TBC1D4: variants seen among roughly 807,000 people sequenced by gnomAD.
TBC1D4 encodes the protein TBC (Tre-2, BUB2, CDC16) domain-containing protein.
TBC1D4 carries 121 observed loss-of-function variants against 142.5 expected under a neutral mutation model. That is an observed-to-expected ratio of 0.85 (90% CI 0.73 to 0.99). TBC1D4 has a LOEUF of 0.99. Among genes scored for constraint, TBC1D4 ranks in the 50% least tolerant of loss-of-function variants. The pLI is 0.00. For missense variants in TBC1D4, 1,475 were observed against 1,606.6 expected (o/e 0.92, Z 1.40); for synonymous variants, 630 against 628.2 (o/e 1.00, Z -0.04).
At chr13:75,473,260 C>A (rs1888491720) in intron 1 of TBC1D4, among the ~76,000 whole-genome samples, 2 of 152,118 alleles carry the variant, frequency 1.3e-5, no homozygotes, top group Non-Finnish European at 2.9e-5. Flanking sequence ...TTCGGCCTCC[C>A]AATTTTTACT....
rs557817497 is a variant in TBC1D4, at chr13:75,299,531, C to T, written c.2955G>A (p.Gly985=). The change falls in exon 17 of 21, where the codon GGG becomes GGA. Residue 985 remains glycine (G), a synonymous_variant. Transcript: ENST00000377636. ...PTHPYFSVQL[G]PGQLSLFNLL... ...GGTTAAACAGTGACAGCTGTCCTGGCCCAAGCTGTACTGAAAAGTAAGGGT... is the reference window on the plus strand; with the variant it reads ...GGTTAAACAGTGACAGCTGTCCTGGTCCAAGCTGTACTGAAAAGTAAGGGT... 6.8e-6 allele frequency: 11 copies of T among 1,614,100 alleles called. No individual in the cohort carries two copies. The South Asian group carries it at 8.8e-5, about 13-fold the overall frequency.
intron 5 of TBC1D4, among the ~76,000 whole-genome samples, chr13:75,345,587 T>C (rs570983397): frequency 6.6e-6 from 1 of 152,274 alleles, no homozygotes; most frequent in Non-Finnish European, 1.5e-5. Flanking sequence ...ACTTTTCTTT[T>C]TCTTTAAAAA....
intron 1 of TBC1D4, among the ~76,000 whole-genome samples, chr13:75,480,031 C>CAA (rs59073862): frequency 0.025 from 3,598 of 144,484 alleles, 86 homozygotes; most frequent in East Asian, 0.035. Context: ...GACTCCGTCT[C>CAA]AAAAAAAAAA....
chr13:75,380,226 C>T (rs1011221647), intron 1 of TBC1D4, among the ~76,000 whole-genome samples: 1 of 151,214 alleles, frequency 6.6e-6, no homozygotes, highest in East Asian at 2.0e-4. Context: ...AATCCCAGAA[C>T]TTTGGGAGGC....
intron 16 of TBC1D4, among the ~76,000 whole-genome samples, chr13:75,301,022 C>A (rs1876483429): frequency 6.6e-6 from 1 of 152,110 alleles, no homozygotes; most frequent in South Asian, 2.1e-4. Context: ...GGTCCTTTCC[C>A]AGTAAGAGCC....
intron 9 of TBC1D4, 73 bp from the exon 10 acceptor site, chr13:75,326,496 A>C: frequency 9.4e-6 from 14 of 1,496,736 alleles, no homozygotes; most frequent in Non-Finnish European, 1.2e-5. Context: ...CACAGAGCTC[A>C]AAAGTGACAG....
At chr13:75,401,682 T>A (rs1885101952) in intron 1 of TBC1D4, among the ~76,000 whole-genome samples, 1 of 152,254 alleles carries the variant, frequency 6.6e-6, no homozygotes, top group African/African-American at 2.4e-5. Flanking sequence ...ATTCTCCAGA[T>A]AATGAAGATG....
At chr13:75,315,043 A>C (rs998143166) in intron 12 of TBC1D4, among the ~76,000 whole-genome samples, 2 of 148,136 alleles carry the variant, frequency 1.4e-5, no homozygotes, top group African/African-American at 2.5e-5. Context: ...ACAATGGCTT[A>C]CATCTGTAAT....
rs182817986 is a variant in TBC1D4, at chr13:75,456,181, A to C, written c.498+25089T>G. ...GTGGATTAGACCAAAACAAACAAAG[A>C]AAGCCATAATATCTATAAATAAATC... On this transcript the variant is annotated intron_variant, in intron 1 of 20. Coordinates refer to ENST00000377636, the MANE Select transcript of TBC1D4 (RefSeq NM_014832.5). Among the ~76,000 whole-genome samples the C allele has an allele frequency of 2.2e-3, 333 of 152,288 alleles. 4 individuals are homozygous for C. Among genetic ancestry groups the C allele is most frequent in the African/African-American group, 7.2e-3 (301 of 41,576 alleles).
intron 1 of TBC1D4, among the ~76,000 whole-genome samples, chr13:75,427,445 C>T (rs924906568): frequency 3.3e-5 from 5 of 152,058 alleles, no homozygotes; most frequent in Admixed American, 2.0e-4. Flanking sequence ...GAGGTCAAAG[C>T]GGGAGGATCA....
chr13:75,286,682 AT>A lies in TBC1D4; in HGVS notation c.*109del, dbSNP rs1874704647. ...CTGTGACTAGGCGCTCAGCACCAGT[AT>A]TAGGTGGTTCCATCAGCTTCAGGGT... On this transcript the variant is annotated 3_prime_UTR_variant, in exon 21 of 21. Coordinates refer to ENST00000377636, the MANE Select transcript of TBC1D4 (RefSeq NM_014832.5). The A allele has an allele frequency of 1.9e-6, 2 of 1,064,776 alleles. No individual in the cohort carries two copies. 66.0% of individuals were successfully genotyped at this position (1,064,776 alleles called of 1,614,324 possible).
intron 7 of TBC1D4, among the ~76,000 whole-genome samples, chr13:75,338,201 T>A (rs1469884411): frequency 6.7e-6 from 1 of 150,338 alleles, no homozygotes; most frequent in African/African-American, 2.5e-5. Context: ...TAGGAGGCAA[T>A]AAGGGCCCAC....
rs1888860989 is a variant in TBC1D4 at position 75,481,363 on chromosome 13, G to T, written c.405C>A (p.Asp135Glu). ...HISRFIHNSH[D>E]LTYFAYLIKA... ...TGATCAGGTAGGCAAAGTAGGTGAG[G>T]TCGTGGCTGTTGTGGATGAAGCGCG... The change falls in exon 1 of 21, where the codon GAC becomes GAA. Residue 135 changes from aspartate to glutamate, a missense_variant. Around this residue, in one of 2 missense-constraint regions of TBC1D4, gnomAD observed 1,227 missense variants for 1,267.7 expected, o/e 0.97. Transcript: ENST00000377636. The T allele has an allele frequency of 5.0e-6, 8 of 1,613,952 alleles. No individual in the cohort carries two copies. Among genetic ancestry groups the T allele is most frequent in the Non-Finnish European group, 5.1e-6 (6 of 1,179,856 alleles).
chr13:75,475,784 AC>A (rs1454606074), intron 1 of TBC1D4, among the ~76,000 whole-genome samples: 1 of 152,216 alleles, frequency 6.6e-6, no homozygotes, highest in Non-Finnish European at 1.5e-5. Flanking sequence ...TTTTTCAAAA[AC>A]TATCATAATC....
intron 1 of TBC1D4, among the ~76,000 whole-genome samples, chr13:75,367,618 A>C (rs1474477586): frequency 2.0e-5 from 3 of 152,196 alleles, no homozygotes; most frequent in Non-Finnish European, 4.4e-5. Context: ...AGTCTCACTC[A>C]AACAGAGACA....
Position 75,481,946 on chromosome 13 carries a change from G to C in TBC1D4, c.-179C>G. ...GCCCTGCCCCATGCAGCACTTCCAC[G>C]GGCGCGGCTCGGAGGCTCCGGCGGC... is the stretch of plus-strand genomic sequence containing the variant. On this transcript the variant is annotated 5_prime_UTR_variant, in exon 1 of 21. Transcript: ENST00000377636. 1 of 929,862 alleles carries C rather than the reference G, an allele frequency of 1.1e-6. No individual in the cohort carries two copies. The allele number at this position is 929,862 out of a possible 1,614,324, so 57.6% of individuals were successfully genotyped here.
At chr13:75,416,366 T>C (rs1696472434) in intron 1 of TBC1D4, among the ~76,000 whole-genome samples, 1 of 152,224 alleles carries the variant, frequency 6.6e-6, no homozygotes, top group Non-Finnish European at 1.5e-5. Context: ...AAATTTTTAA[T>C]GAAAATTATA....
intron 1 of TBC1D4, among the ~76,000 whole-genome samples, chr13:75,477,552 A>G (rs1197803982): frequency 6.6e-6 from 1 of 152,142 alleles, no homozygotes; most frequent in Non-Finnish European, 1.5e-5. Context: ...ACTCACAGGC[A>G]AATGTTAATT....
intron 1 of TBC1D4, among the ~76,000 whole-genome samples, chr13:75,382,799 CAAT>C (rs1477666372): frequency 6.6e-6 from 1 of 152,106 alleles, no homozygotes; most frequent in Non-Finnish European, 1.5e-5. Context: ...TTAAATATCT[CAAT>C]AATTTTATAT....
Sources: allele counts gnomAD v4.1 joint callset (sites outside exome capture counted in the v4.1 genomes callset), GRCh38; gene constraint gnomAD v4.1.1; regional missense constraint gnomAD v4.1.1; transcripts MANE v1.5; gene names NCBI Gene and HGNC (gene_info 2026-07-23, HGNC 2026-07-21).